The following HTRA3 variants were observed in gnomAD, a reference collection of about 807,000 sequenced individuals.
The protein encoded by HTRA3 is HtrA serine peptidase 3, also known as serine protease HTRA3.
A neutral mutation model predicts 43.2 loss-of-function variants in HTRA3; 41 were observed. The ratio of observed to expected loss-of-function variants is 0.95; its 90% CI spans 0.74 to 1.23. HTRA3 has a LOEUF of 1.23. Ranked by LOEUF, HTRA3 falls within the 50% of genes most tolerant of loss-of-function variation. The pLI is 0.00. For synonymous variants in HTRA3, 295 were observed against 287.9 expected, an observed-to-expected ratio of 1.02 and a Z score of -0.25; for missense variants, 628 against 647.1, an observed-to-expected ratio of 0.97 and a Z score of 0.32.
At chr4:8,292,855 G>A (rs558118050) in intron 5 of HTRA3, among the ~76,000 whole-genome samples, 48 of 152,302 alleles carry the variant, frequency 3.2e-4, no homozygotes, top group African/African-American at 1.1e-3. Flanking sequence ...TCCATGGCTG[G>A]GGAGGTGTCC....
chr4:8,270,363 CG>C lies in HTRA3; in HGVS notation c.385+15del. On this transcript the variant is annotated intron_variant, in intron 1 of 8. Transcript: ENST00000307358. ...GGCGCCTGCCCGTTGGGTAAGCGCT[CG>C]GGGGCCAGGGAGGAAGTGAAGCTTC... 7.2e-7 allele frequency: 1 copy of C among 1,394,788 alleles called. No homozygotes were observed. The highest frequency in any genetic ancestry group is 9.3e-7 in the Non-Finnish European group (1 of 1,080,632). 86.4% of individuals were successfully genotyped at this position (1,394,788 alleles called of 1,614,324 possible).
chr4:8,293,649 G>A (rs1384695114), intron 5 of HTRA3, among the ~76,000 whole-genome samples: 5 of 152,118 alleles, frequency 3.3e-5, no homozygotes, highest in African/African-American at 1.2e-4. Context: ...GAGGGATGGG[G>A]GGGTCAAGGA....
At chr4:8,280,001 G>A (rs891745629) in intron 1 of HTRA3, among the ~76,000 whole-genome samples, 1 of 152,190 alleles carries the variant, frequency 6.6e-6, no homozygotes, top group African/African-American at 2.4e-5. Flanking sequence ...GGCAGATTCG[G>A]TACAACTGGG....
rs372059136 is a variant in HTRA3, at chr4:8,283,892, C to T, written c.485+1356C>T. Among the ~76,000 whole-genome samples the T allele has an allele frequency of 5.3e-4, 80 of 152,316 alleles. 1 individual carries two copies. The East Asian group carries it at 0.011, about 21-fold the overall frequency. On this transcript the variant is annotated intron_variant, in intron 2 of 8. Coordinates refer to ENST00000307358, the MANE Select transcript of HTRA3 (RefSeq NM_053044.5). ...ATCCCAGGAGTGATTCCTGCTCCAGCACCGCCTCCCTGCTGGCTGGCTCGG... is the reference window on the plus strand; with the variant it reads ...ATCCCAGGAGTGATTCCTGCTCCAGTACCGCCTCCCTGCTGGCTGGCTCGG...
intron 1 of HTRA3, among the ~76,000 whole-genome samples, chr4:8,276,813 G>A (rs55784731): frequency 0.3 from 45,662 of 151,952 alleles, 8,261 homozygotes; most frequent in Non-Finnish European, 0.4. Context: ...GGGCCAGCAC[G>A]GAGCAGGGGA....
At chr4:8,281,037 G>A (rs138647870) in intron 1 of HTRA3, among the ~76,000 whole-genome samples, 3 of 152,206 alleles carry the variant, frequency 2.0e-5, no homozygotes, top group Non-Finnish European at 2.9e-5. Flanking sequence ...TGGGCAGGGG[G>A]GTTCTTCTTA....
chr4:8,290,140 C>G (rs1560139388), intron 3 of HTRA3, among the ~76,000 whole-genome samples: 1 of 152,276 alleles, frequency 6.6e-6, no homozygotes, highest in South Asian at 2.1e-4. Context: ...GGCATTCTCT[C>G]TGCCATTGAC....
Position 8,295,083 on chromosome 4 carries a change from C to T in HTRA3, c.1051+882C>T, listed in dbSNP as rs928644804. Among the ~76,000 whole-genome samples, 2 of 151,318 alleles carry T rather than the reference C, an allele frequency of 1.3e-5. No homozygotes were observed. The highest frequency in any genetic ancestry group is 4.9e-5 in the African/African-American group (2 of 41,156). ...TCTTCCTTCCTTTATTTTTTCCTTT[C>T]TTTTTTTCCTTCTCTCCTTCCTTCC... is the stretch of plus-strand genomic sequence containing the variant. On this transcript the variant is annotated intron_variant, in intron 6 of 8. Transcript: ENST00000307358. This position sits in a 1 kb window ranked among gnomAD's most constrained non-coding sequence, Gnocchi z 6.9.
intron 6 of HTRA3, among the ~76,000 whole-genome samples, chr4:8,299,379 C>CT (rs1713560509): frequency 6.6e-6 from 1 of 152,232 alleles, no homozygotes; most frequent in East Asian, 1.9e-4. Context: ...CTTCTAGAAA[C>CT]TTTTTTTGTA....
intron 3 of HTRA3, among the ~76,000 whole-genome samples, chr4:8,290,006 C>T (rs1713168636): frequency 6.6e-6 from 1 of 152,192 alleles, no homozygotes; most frequent in Non-Finnish European, 1.5e-5. Flanking sequence ...CGGGCTGACC[C>T]TCCTCAGTTC....
At chr4:8,300,492 G>A (rs916414748) in intron 6 of HTRA3, among the ~76,000 whole-genome samples, 1 of 152,144 alleles carries the variant, frequency 6.6e-6, no homozygotes, top group Middle Eastern at 3.4e-3. Context: ...TGCTTCTTTT[G>A]TCTAAGTGAT....
intron 2 of HTRA3, among the ~76,000 whole-genome samples, chr4:8,283,105 C>T (rs74493347): frequency 4.4e-4 from 67 of 152,162 alleles, no homozygotes; most frequent in African/African-American, 1.5e-3. Context: ...GGTGAGTGAA[C>T]GCACGAATCA....
intron 8 of HTRA3, among the ~76,000 whole-genome samples, chr4:8,304,674 T>TA (rs1713777201): frequency 3.3e-5 from 3 of 91,892 alleles, no homozygotes; most frequent in East Asian, 2.8e-4. Flanking sequence ...TTTTTTTTTT[T>TA]GAGACAGTCT....
intron 1 of HTRA3, among the ~76,000 whole-genome samples, chr4:8,276,974 C>G (rs1712550215): frequency 6.6e-6 from 1 of 152,248 alleles, no homozygotes; most frequent in Non-Finnish European, 1.5e-5. Flanking sequence ...AACTTCGGAG[C>G]CCAGCCTGAC....
Position 8,270,093 on chromosome 4 carries a change from G to T in HTRA3, c.125G>T (p.Gly42Val). 2 of 1,533,218 alleles carry T rather than the reference G, an allele frequency of 1.3e-6. No individual in the cohort carries two copies. Among genetic ancestry groups the T allele is most frequent in the Non-Finnish European group, 1.7e-6 (2 of 1,151,686 alleles). The allele number at this position is 1,533,218 out of a possible 1,614,324, so 95.0% of individuals were successfully genotyped here. A position where few individuals can be genotyped will look rare whatever the true frequency, so the allele number is the denominator to read the frequency against. ...SRCPSPRCPG[G>V]YVPDLCNCCL... ...TGTCCCAGCCCCCGCTGCCCCGGCG[G>T]CTACGTGCCCGACCTCTGCAACTGC... The change falls in exon 1 of 9, where the codon GGC (glycine) becomes GTC (valine). Residue 42 changes from glycine (G) to valine (V), a missense_variant. Physicochemically the swap from Gly to Val is moderately radical, Grantham distance 109. Transcript: ENST00000307358.
intron 2 of HTRA3, among the ~76,000 whole-genome samples, chr4:8,285,390 G>A (rs946228802): frequency 3.1e-4 from 47 of 152,300 alleles, no homozygotes; most frequent in Admixed American, 3.9e-4. Flanking sequence ...GGGTCACAGC[G>A]AAGCTCCTGT....
intron 1 of HTRA3, among the ~76,000 whole-genome samples, chr4:8,276,378 A>C (rs1712523680): frequency 6.6e-6 from 1 of 152,256 alleles, no homozygotes; most frequent in Admixed American, 6.5e-5. Context: ...GTTGATGTGA[A>C]GAAAGGATGG....
intron 1 of HTRA3, among the ~76,000 whole-genome samples, chr4:8,272,675 C>T (rs559337574): frequency 1.3e-5 from 2 of 152,222 alleles, no homozygotes; most frequent in Non-Finnish European, 2.9e-5. Context: ...CCAGAGGAGG[C>T]GCTTCTGTGC....
In HTRA3 at chr4:8,296,312, C is replaced by G. The variant is rs572043401; in HGVS notation, c.1051+2111C>G. 163 of 985,328 alleles carry G rather than the reference C, an allele frequency of 1.7e-4. 1 individual carries two copies. The African/African-American group carries it at 2.5e-3, about 15-fold the overall frequency. The allele number at this position is 985,328 out of a possible 1,614,324, so 61.0% of individuals were successfully genotyped here. A position where few individuals can be genotyped will look rare whatever the true frequency, so the allele number is the denominator to read the frequency against. On this transcript the variant is annotated intron_variant, in intron 6 of 8. Transcript: ENST00000307358. The surrounding 1 kb of genome is among the most constrained non-coding windows in gnomAD (Gnocchi z 5.3). ...CCCAGAACCCCCTGGGAAATATCCC[C>G]TGTCCTCAGAGCTGTGTCCCCTCCC...
Sources: gnomAD v4.1 joint callset for allele counts (sites outside exome capture counted in the v4.1 genomes callset) on GRCh38, gnomAD v4.1.1 for gene constraint, Gnocchi (gnomAD v3.1) non-coding constraint, MANE v1.5 for transcripts, NCBI Gene and HGNC (gene_info 2026-07-23, HGNC 2026-07-21) for gene names.